Variants in CBFA2T2 observed in about 807,000 individuals in gnomAD.
The protein encoded by CBFA2T2 is CBFA2/RUNX1 partner transcriptional co-repressor 2, also known as protein CBFA2T2.
Under a neutral mutation model 62.2 loss-of-function variants are expected in CBFA2T2, and 11 were observed. The observed-to-expected ratio is 0.18, with a 90% CI of 0.11 to 0.29. The LOEUF (loss-of-function observed/expected upper bound fraction) is 0.29, where lower values mean the gene tolerates loss of function less well. CBFA2T2 is among the 10% of genes least tolerant of loss of function. The pLI, the probability that CBFA2T2 is intolerant of heterozygous loss-of-function variation, is 1.00. For missense variants in CBFA2T2, 592 were observed against 774.1 expected (o/e 0.76, Z 2.79); for synonymous variants, 295 against 287.5 (o/e 1.03, Z -0.27).
At chr20:33,637,048 A>G (rs2016657975) in intron 9 of CBFA2T2, among the ~76,000 whole-genome samples, 1 of 152,216 alleles carries the variant, frequency 6.6e-6, no homozygotes, top group Admixed American at 6.5e-5. Context: ...TGGCTACAGT[A>G]TACTGTGTTC....
At chr20:33,504,628 C>G (rs2011369851) in intron 1 of CBFA2T2, among the ~76,000 whole-genome samples, 1 of 151,948 alleles carries the variant, frequency 6.6e-6, no homozygotes, top group African/African-American at 2.4e-5. Context: ...GTCTCGAAAT[C>G]CTGACCTCAG....
At chr20:33,527,323 T>A (rs1176459783) in intron 1 of CBFA2T2, among the ~76,000 whole-genome samples, 1 of 150,798 alleles carries the variant, frequency 6.6e-6, no homozygotes, top group Non-Finnish European at 1.5e-5. Context: ...TGCCTCAGCC[T>A]CCTGAGTAGC....
chr20:33,497,626 T>C (rs975071198), intron 1 of CBFA2T2, among the ~76,000 whole-genome samples: 7 of 145,876 alleles, frequency 4.8e-5, no homozygotes, highest in South Asian at 2.3e-4. Context: ...CTGGGCTCAC[T>C]ACAATCTCTG....
At position 33,574,068 on chromosome 20, in the gene CBFA2T2, C is replaced by T. The variant is rs2013704235; in HGVS notation, c.35-32888C>T. On this transcript the variant is annotated intron_variant, in intron 1 of 10. Coordinates refer to ENST00000342704, the MANE Select transcript of CBFA2T2 (RefSeq NM_001032999.3). ...CTGCCCAAAGTGCTGGGATTACAGG[C>T]AAGAGCCACCATACCAGTTCCTGTC... is the stretch of plus-strand genomic sequence containing the variant. 2.8e-6 allele frequency: 4 copies of T among 1,447,736 alleles called. No individual in the cohort carries two copies. In the South Asian group the frequency reaches 5.2e-5, roughly 19 times the overall value. The allele number at this position is 1,447,736 out of a possible 1,614,324, so 89.7% of individuals were successfully genotyped here.
At chr20:33,557,741 A>C (rs1352189895) in intron 1 of CBFA2T2, among the ~76,000 whole-genome samples, 2 of 151,580 alleles carry the variant, frequency 1.3e-5, no homozygotes, top group Non-Finnish European at 2.9e-5. Context: ...TCCTGGCCTC[A>C]AGTGATCCTT....
At chr20:33,624,064 G>T (rs1033865767) in intron 5 of CBFA2T2, 2 of 530,570 alleles carry the variant, frequency 3.8e-6, no homozygotes, top group African/African-American at 3.9e-5. Flanking sequence ...TTTTGAAAAA[G>T]TATAGCAATT....
At chr20:33,615,631 T>C (rs2015678106) in intron 3 of CBFA2T2, among the ~76,000 whole-genome samples, 1 of 151,964 alleles carries the variant, frequency 6.6e-6, no homozygotes, top group Non-Finnish European at 1.5e-5. Flanking sequence ...AAAACAAAAA[T>C]AATTAGAGTC....
chr20:33,491,036 T>C (rs532882171), intron 1 of CBFA2T2, among the ~76,000 whole-genome samples: 10 of 152,346 alleles, frequency 6.6e-5, no homozygotes, highest in African/African-American at 2.4e-4. Flanking sequence ...TCCTGCTCCA[T>C]GATCTAATTG....
chr20:33,502,284 G>A (rs2011298931), intron 1 of CBFA2T2, among the ~76,000 whole-genome samples: 1 of 152,136 alleles, frequency 6.6e-6, no homozygotes, highest in African/African-American at 2.4e-5. Context: ...TCCAGATTTG[G>A]CCAGGGAGAT....
At chr20:33,536,763 G>C (rs35007346) in intron 1 of CBFA2T2, among the ~76,000 whole-genome samples, 1 of 150,514 alleles carries the variant, frequency 6.6e-6, no homozygotes. Context: ...CCACATCTCA[G>C]GCGATGGGCG....
intron 1 of CBFA2T2, among the ~76,000 whole-genome samples, chr20:33,518,646 C>CCTA (rs1273191215): frequency 6.6e-6 from 1 of 151,632 alleles, no homozygotes; most frequent in Non-Finnish European, 1.5e-5. Context: ...GTGGCACATG[C>CCTA]CTATAATCCC....
At chr20:33,623,440 T>G in intron 5 of CBFA2T2, 144 bp downstream of exon 5, 2 of 884,280 alleles carry the variant, frequency 2.3e-6, no homozygotes, top group South Asian at 3.3e-5. Flanking sequence ...TCGCCCAGAC[T>G]GGAGCGCAGT....
intron 1 of CBFA2T2, among the ~76,000 whole-genome samples, chr20:33,581,788 T>C (rs907808220): frequency 1.3e-5 from 2 of 152,136 alleles, no homozygotes; most frequent in African/African-American, 2.4e-5. Flanking sequence ...GCCTTAGAAT[T>C]TGCAAATCAG....
chr20:33,627,131 T>C lies in CBFA2T2; in HGVS notation c.947-1219T>C, dbSNP rs952328079. Among the ~76,000 whole-genome samples, 14 of 152,122 alleles carry C rather than the reference T, an allele frequency of 9.2e-5. No homozygotes were observed. The East Asian group carries it at 2.7e-3, about 29-fold the overall frequency. ...GCTTGCGGGCGGTCTGGCGTGGTGG[T>C]TCATGCCTGTAATCCCAGCACTTTG... On this transcript the variant is annotated intron_variant, in intron 6 of 10. Coordinates refer to ENST00000342704, the MANE Select transcript of CBFA2T2 (RefSeq NM_001032999.3).
chr20:33,579,261 T>C (rs570346647), intron 1 of CBFA2T2, among the ~76,000 whole-genome samples: 2 of 151,960 alleles, frequency 1.3e-5, no homozygotes, highest in African/African-American at 4.8e-5. Flanking sequence ...AGCGATGGGG[T>C]CTCACTGTAT....
chr20:33,565,113 G>A (rs2013251495), intron 1 of CBFA2T2, among the ~76,000 whole-genome samples: 1 of 152,006 alleles, frequency 6.6e-6, no homozygotes, highest in Admixed American at 6.6e-5. Flanking sequence ...TAGAGACGGT[G>A]TTTCACCGTG....
intron 1 of CBFA2T2, among the ~76,000 whole-genome samples, chr20:33,588,158 C>T (rs548391367): frequency 4.7e-4 from 71 of 152,188 alleles, no homozygotes; most frequent in African/African-American, 1.7e-3. Flanking sequence ...AAGTACACCC[C>T]TGTGAAGCCA....
chr20:33,516,096 C>T (rs762535377), intron 1 of CBFA2T2, among the ~76,000 whole-genome samples: 1 of 151,940 alleles, frequency 6.6e-6, no homozygotes, highest in Non-Finnish European at 1.5e-5. Context: ...GATCATGTCA[C>T]TGCACTGTGC....
chr20:33,541,575 T>A (rs1213947619), intron 1 of CBFA2T2, among the ~76,000 whole-genome samples: 1 of 152,200 alleles, frequency 6.6e-6, no homozygotes, highest in African/African-American at 2.4e-5. Context: ...TGGTAGACAC[T>A]TATGACCTAC....
Sources: gnomAD v4.1 joint callset for allele counts (sites outside exome capture counted in the v4.1 genomes callset) on GRCh38, gnomAD v4.1.1 for gene constraint, MANE v1.5 for transcripts, NCBI Gene and HGNC (gene_info 2026-07-23, HGNC 2026-07-21) for gene names.